INPP4B: variants seen among roughly 807,000 people sequenced by gnomAD.
INPP4B encodes the protein inositol polyphosphate-4-phosphatase type II B, also known as inositol polyphosphate 4-phosphatase type II.
In INPP4B, 55 loss-of-function variants were observed where a neutral mutation model predicts 122.5. That is an observed-to-expected ratio of 0.45 (90% confidence interval 0.36 to 0.56). The LOEUF is 0.56. INPP4B is among the 20% of genes least tolerant of loss of function. The probability of loss-of-function intolerance (pLI) is 0.00; values close to 1 mark genes in which losing one functional copy is unlikely to be tolerated. For synonymous variants in INPP4B, 403 were observed against 388.7 expected, an observed-to-expected ratio of 1.04 and a Z score of -0.43; for missense variants, 1,000 against 1,097.7, an observed-to-expected ratio of 0.91 and a Z score of 1.26.
At chr4:142,585,601 A>G (rs957620141) in intron 2 of INPP4B, among the ~76,000 whole-genome samples, 1 of 152,044 alleles carries the variant, frequency 6.6e-6, no homozygotes. Context: ...TTCTTGCTCA[A>G]CTGTTGGAGG....
At chr4:142,546,244 A>G (rs1016634398) in intron 2 of INPP4B, among the ~76,000 whole-genome samples, 1 of 152,094 alleles carries the variant, frequency 6.6e-6, no homozygotes, top group African/African-American at 2.4e-5. Flanking sequence ...AGCTCTATCT[A>G]TCTCCCTGCA....
intron 2 of INPP4B, among the ~76,000 whole-genome samples, chr4:142,499,142 A>T (rs915370273): frequency 6.6e-6 from 1 of 152,154 alleles, no homozygotes; most frequent in African/African-American, 2.4e-5. Context: ...CATTCCTGTG[A>T]TCTGCCTTGG....
intron 7 of INPP4B, among the ~76,000 whole-genome samples, chr4:142,359,191 T>C (rs1784585069): frequency 6.6e-6 from 1 of 151,254 alleles, no homozygotes. Context: ...TTTAAAAGAC[T>C]GTAAAGAACA....
At chr4:142,717,421 G>T (rs893192365) in intron 2 of INPP4B, among the ~76,000 whole-genome samples, 2 of 152,140 alleles carry the variant, frequency 1.3e-5, no homozygotes, top group African/African-American at 2.4e-5. Flanking sequence ...TAAATAGCTT[G>T]CTTCAGCCAG....
chr4:142,379,494 G>A (rs1269519898), intron 7 of INPP4B, among the ~76,000 whole-genome samples: 1 of 152,066 alleles, frequency 6.6e-6, no homozygotes, highest in Non-Finnish European at 1.5e-5. Flanking sequence ...ACTTTTTTCA[G>A]TAAGCTTAAA....
intron 9 of INPP4B, among the ~76,000 whole-genome samples, chr4:142,277,470 A>G (rs896998535): frequency 6.6e-6 from 1 of 151,908 alleles, no homozygotes; most frequent in Non-Finnish European, 1.5e-5. Flanking sequence ...CCACTATGGA[A>G]AACAGTGTAG....
intron 25 of INPP4B, among the ~76,000 whole-genome samples, chr4:142,071,012 A>T (rs1766930765): frequency 6.6e-6 from 1 of 152,226 alleles, no homozygotes; most frequent in Non-Finnish European, 1.5e-5. Context: ...GAACCAAATA[A>T]GAGCCTGCAT....
At chr4:142,687,154 G>A (rs1195918997) in intron 2 of INPP4B, among the ~76,000 whole-genome samples, 1 of 151,988 alleles carries the variant, frequency 6.6e-6, no homozygotes, top group Non-Finnish European at 1.5e-5. Flanking sequence ...CCAAACAAAA[G>A]AGCATATGAA....
intron 5 of INPP4B, among the ~76,000 whole-genome samples, chr4:142,407,807 T>G (rs1037486646): frequency 5.3e-5 from 8 of 152,148 alleles, no homozygotes; most frequent in Non-Finnish European, 1.0e-4. Flanking sequence ...AGTCACAAAC[T>G]CTGACACTTA....
intron 2 of INPP4B, among the ~76,000 whole-genome samples, chr4:142,464,042 A>C (rs1326698677): frequency 6.6e-6 from 1 of 152,192 alleles, no homozygotes; most frequent in African/African-American, 2.4e-5. Flanking sequence ...TATAGAGAGA[A>C]TTTGGCAAAG....
chr4:142,484,350 G>A (rs1050836463), intron 2 of INPP4B, among the ~76,000 whole-genome samples: 2 of 151,986 alleles, frequency 1.3e-5, no homozygotes, highest in African/African-American at 4.8e-5. Flanking sequence ...ATATAAAAAT[G>A]TGTGAAATTT....
rs914694185 is a variant in INPP4B, at chr4:142,123,383, T to C, written c.1926A>G (p.Lys642=). Residue 642 remains lysine, a synonymous_variant, in exon 20 of 26, where the codon AAA becomes AAG. Transcript: ENST00000262992. ...CTGGGTCATACAGACTTGTCTGTAA[T>C]TTGATGATAAAACCACAAACCAATC... ...LAGLVCGFII[K]LQTSLYDPGF... The C allele has an allele frequency of 5.0e-6, 8 of 1,613,006 alleles. No homozygotes were observed. The Admixed American group carries it at 5.0e-5, about 10-fold the overall frequency.
rs180792324 is a variant in INPP4B, at chr4:142,209,530, C to T, written c.837-504G>A. On this transcript the variant is annotated intron_variant, in intron 12 of 25. Coordinates refer to ENST00000262992, the MANE Select transcript of INPP4B (RefSeq NM_001101669.3). ...AAGCCCGGCCGGGCACGGTGGCTCA[C>T]GCCTGTAATCCCAGCACTTTGGGAA... 5.8e-3 allele frequency among the ~76,000 whole-genome samples: 874 copies of T among 151,968 alleles called. 9 individuals are homozygous for T. The highest frequency in any genetic ancestry group is 0.02 in the African/African-American group (837 of 41,462).
intron 25 of INPP4B, among the ~76,000 whole-genome samples, chr4:142,049,532 T>C (rs1753347131): frequency 1.3e-5 from 2 of 152,056 alleles, no homozygotes; most frequent in Admixed American, 6.6e-5. Context: ...TTTACATCAA[T>C]GGCTTTGACA....
intron 2 of INPP4B, among the ~76,000 whole-genome samples, chr4:142,472,356 C>T (rs1818995099): frequency 6.6e-6 from 1 of 151,520 alleles, no homozygotes; most frequent in Non-Finnish European, 1.5e-5. Flanking sequence ...TGTCCAATTA[C>T]CCATCTGCTA....
At chr4:142,275,668 T>C (rs886817493) in intron 9 of INPP4B, among the ~76,000 whole-genome samples, 2 of 151,848 alleles carry the variant, frequency 1.3e-5, no homozygotes, top group Non-Finnish European at 2.9e-5. Flanking sequence ...CACACCTCTA[T>C]TCTGGCTGAA....
At chr4:142,702,106 C>T (rs1761859954) in intron 2 of INPP4B, among the ~76,000 whole-genome samples, 1 of 152,102 alleles carries the variant, frequency 6.6e-6, no homozygotes, top group African/African-American at 2.4e-5. Context: ...CAAGGTTTTC[C>T]TGGCTTGTAA....
At chr4:142,052,264 G>C (rs1434261628) in intron 25 of INPP4B, among the ~76,000 whole-genome samples, 1 of 151,920 alleles carries the variant, frequency 6.6e-6, no homozygotes, top group Non-Finnish European at 1.5e-5. Context: ...AAAGAGATTA[G>C]ATGTAGAATA....
At chr4:142,133,095 C>A (rs1802134021) in intron 18 of INPP4B, among the ~76,000 whole-genome samples, 1 of 152,182 alleles carries the variant, frequency 6.6e-6, no homozygotes, top group Non-Finnish European at 1.5e-5. Context: ...ACCTCACTGG[C>A]CGTCTCTTGC....
Sources: allele counts gnomAD v4.1 joint callset (sites outside exome capture counted in the v4.1 genomes callset), GRCh38; gene constraint gnomAD v4.1.1; transcripts MANE v1.5; gene names NCBI Gene and HGNC (gene_info 2026-07-23, HGNC 2026-07-21).